Variants in KCNIP4 observed in about 807,000 individuals in gnomAD.
The protein encoded by KCNIP4 is Kv channel-interacting protein 4.
A neutral mutation model predicts 34.0 loss-of-function variants in KCNIP4; 12 were observed. The ratio of observed to expected loss-of-function variants is 0.35; its 90% CI spans 0.23 to 0.57. The LOEUF (loss-of-function observed/expected upper bound fraction) is 0.57. Ranked by LOEUF, KCNIP4 falls within the 20% of genes least tolerant of loss-of-function variation. The pLI is 0.83. For missense variants in KCNIP4, 238 were observed against 311.7 expected (o/e 0.76, Z 1.78); for synonymous variants, 124 against 102.2 (o/e 1.21, Z -1.29).
At chr4:21,569,793 G>A (rs189674947) in intron 1 of KCNIP4, among the ~76,000 whole-genome samples, 2 of 152,050 alleles carry the variant, frequency 1.3e-5, no homozygotes, top group Non-Finnish European at 2.9e-5. Flanking sequence ...GGCCAGCAGG[G>A]GAGAAAAAAA....
intron 1 of KCNIP4, among the ~76,000 whole-genome samples, chr4:21,084,179 A>G (rs73802457): frequency 7.2e-5 from 11 of 151,902 alleles, no homozygotes; most frequent in African/African-American, 2.4e-4. Context: ...GCGTGCTAAC[A>G]CCTGCTCTCA....
chr4:21,043,967 T>G (rs913024449), intron 1 of KCNIP4, among the ~76,000 whole-genome samples: 1 of 152,028 alleles, frequency 6.6e-6, no homozygotes, highest in African/African-American at 2.4e-5. Flanking sequence ...TTGGTTTCCA[T>G]TGGGTGGATT....
At chr4:21,947,738 A>G (rs962208229) in intron 1 of KCNIP4, among the ~76,000 whole-genome samples, 6 of 152,136 alleles carry the variant, frequency 3.9e-5, no homozygotes, top group Non-Finnish European at 7.3e-5. Flanking sequence ...CCAGCCCTTT[A>G]TCACTCTCAT....
intron 1 of KCNIP4, among the ~76,000 whole-genome samples, chr4:21,888,293 A>G (rs1233489163): frequency 6.6e-6 from 1 of 152,136 alleles, no homozygotes; most frequent in Non-Finnish European, 1.5e-5. Flanking sequence ...AAACTGGTGC[A>G]GGCCACAAGA....
At chr4:21,601,831 G>A (rs1743189886) in intron 1 of KCNIP4, among the ~76,000 whole-genome samples, 1 of 152,044 alleles carries the variant, frequency 6.6e-6, no homozygotes, top group Admixed American at 6.6e-5. Flanking sequence ...CTTATGCATG[G>A]CTGGTTCTTA....
intron 1 of KCNIP4, among the ~76,000 whole-genome samples, chr4:21,103,093 A>T (rs1210060662): frequency 6.6e-6 from 1 of 151,874 alleles, no homozygotes; most frequent in Non-Finnish European, 1.5e-5. Context: ...CTATCAATCA[A>T]ATGGGGTGAT....
chr4:21,499,922 A>G (rs1043451018), intron 1 of KCNIP4, among the ~76,000 whole-genome samples: 3 of 152,166 alleles, frequency 2.0e-5, no homozygotes, highest in Admixed American at 2.0e-4. Context: ...CTTACATATA[A>G]AAGAGAATGA....
chr4:21,139,115 G>T (rs6448024), intron 1 of KCNIP4, among the ~76,000 whole-genome samples: 80,028 of 151,664 alleles, frequency 0.53, 21,669 homozygotes, highest in African/African-American at 0.64. Flanking sequence ...GTTGCTTTAT[G>T]TTAGATTTCT....
At chr4:21,298,915 T>C (rs892602707) in intron 1 of KCNIP4, among the ~76,000 whole-genome samples, 1 of 152,158 alleles carries the variant, frequency 6.6e-6, no homozygotes, top group Admixed American at 6.6e-5. Context: ...TTATTAGCCA[T>C]TGCCCTTGAT....
intron 1 of KCNIP4, among the ~76,000 whole-genome samples, chr4:21,769,936 T>C (rs1203497332): frequency 1.3e-5 from 2 of 152,070 alleles, no homozygotes; most frequent in African/African-American, 4.8e-5. Context: ...GAATGGGACC[T>C]AGGAGGAGGG....
chr4:21,512,018 A>G (rs548556653), intron 1 of KCNIP4, among the ~76,000 whole-genome samples: 1 of 150,482 alleles, frequency 6.6e-6, no homozygotes, highest in South Asian at 2.2e-4. Context: ...GAGTAGGGAA[A>G]GAGGGAGGAA....
intron 1 of KCNIP4, among the ~76,000 whole-genome samples, chr4:21,815,641 CTA>C (rs1721945392): frequency 6.6e-6 from 1 of 152,076 alleles, no homozygotes; most frequent in Non-Finnish European, 1.5e-5. Flanking sequence ...AAAAAAATTG[CTA>C]TGTTTTGTTA....
intron 1 of KCNIP4, among the ~76,000 whole-genome samples, chr4:21,682,378 A>G (rs1560623934): frequency 6.6e-6 from 1 of 152,174 alleles, no homozygotes; most frequent in Non-Finnish European, 1.5e-5. Flanking sequence ...TCCAAACTGT[A>G]TCAGAGACTT....
chr4:21,191,240 T>C (rs1354014732), intron 1 of KCNIP4, among the ~76,000 whole-genome samples: 1 of 152,156 alleles, frequency 6.6e-6, no homozygotes, highest in Non-Finnish European at 1.5e-5. Flanking sequence ...CAAAGAACCT[T>C]GTGTATTTGA....
At chr4:21,530,360 C>G (rs1736572713) in intron 1 of KCNIP4, among the ~76,000 whole-genome samples, 1 of 152,124 alleles carries the variant, frequency 6.6e-6, no homozygotes, top group African/African-American at 2.4e-5. Flanking sequence ...CTGTATTATT[C>G]TTTAAAACAT....
intron 1 of KCNIP4, among the ~76,000 whole-genome samples, chr4:21,651,626 C>T (rs1402166191): frequency 6.6e-6 from 1 of 152,136 alleles, no homozygotes; most frequent in South Asian, 2.1e-4. Context: ...CTCAAAAGGG[C>T]TTTACATAAT....
intron 1 of KCNIP4, among the ~76,000 whole-genome samples, chr4:21,378,960 T>C (rs931906158): frequency 6.6e-6 from 1 of 152,150 alleles, no homozygotes; most frequent in African/African-American, 2.4e-5. Context: ...TTCTTCCTAT[T>C]CTGTCCAACA....
At chr4:21,342,811 T>C (rs1329696330) in intron 1 of KCNIP4, among the ~76,000 whole-genome samples, 1 of 152,066 alleles carries the variant, frequency 6.6e-6, no homozygotes, top group Admixed American at 6.6e-5. Context: ...CTGTGAAATG[T>C]CCTTTTCCTG....
intron 1 of KCNIP4, among the ~76,000 whole-genome samples, chr4:21,525,876 T>C (rs1735930942): frequency 6.6e-6 from 1 of 152,214 alleles, no homozygotes; most frequent in Non-Finnish European, 1.5e-5. Context: ...TAATCATTAG[T>C]AATCAGGTAA....
Sources: gnomAD v4.1 joint callset for allele counts (sites outside exome capture counted in the v4.1 genomes callset) on GRCh38, gnomAD v4.1.1 for gene constraint, MANE v1.5 for transcripts, NCBI Gene and HGNC (gene_info 2026-07-23, HGNC 2026-07-21) for gene names.